The following CSMD3 variants were observed in gnomAD, a reference collection of about 807,000 sequenced individuals.
CSMD3 encodes CUB and sushi domain-containing protein 3.
A neutral mutation model predicts 435.2 loss-of-function variants in CSMD3; 177 were observed. The ratio of observed to expected loss-of-function variants is 0.41; its 90% CI spans 0.36 to 0.46. The LOEUF is 0.46. CSMD3 is among the 20% of genes least tolerant of loss of function. The probability of loss-of-function intolerance (pLI) is 0.34; values close to 1 mark genes in which losing one functional copy is unlikely to be tolerated. For synonymous variants in CSMD3, 1,656 were observed against 1,520.5 expected (o/e 1.09, Z -2.07); for missense variants, 4,265 against 4,504.6 (o/e 0.95, Z 1.52).
At chr8:113,383,897 G>C (rs1366962463) in intron 1 of CSMD3, among the ~76,000 whole-genome samples, 1 of 151,968 alleles carries the variant, frequency 6.6e-6, no homozygotes, top group African/African-American at 2.4e-5. Flanking sequence ...TTCTCACTTG[G>C]TCCCTCTGAT....
At chr8:113,232,938 T>C (rs900447062) in intron 3 of CSMD3, among the ~76,000 whole-genome samples, 5 of 151,942 alleles carry the variant, frequency 3.3e-5, no homozygotes, top group African/African-American at 1.2e-4. Flanking sequence ...ATTTCATTTT[T>C]ATCCTTTTAC....
At chr8:113,200,250 T>A (rs958233836) in intron 3 of CSMD3, among the ~76,000 whole-genome samples, 1 of 151,776 alleles carries the variant, frequency 6.6e-6, no homozygotes, top group African/African-American at 2.4e-5. Context: ...ACCCCCAAAC[T>A]ATACTGCACA....
At chr8:113,427,695 T>C (rs912997878) in intron 1 of CSMD3, among the ~76,000 whole-genome samples, 3 of 151,610 alleles carry the variant, frequency 2.0e-5, no homozygotes, top group Non-Finnish European at 3.0e-5. Flanking sequence ...GGAACTTGGA[T>C]ATGCATATTT....
Position 112,853,824 on chromosome 8 carries a change from C to G in CSMD3, c.1755+5321G>C, listed in dbSNP as rs529677040. Among the ~76,000 whole-genome samples the G allele has an allele frequency of 1.6e-4, 25 of 152,304 alleles. No homozygotes were observed. The South Asian group carries it at 4.6e-3, about 28-fold the overall frequency. Reference sequence around the variant, plus strand: ...CTGCTGTCTCTTAGCTCTAGCCAACCCTTCTGTATTCTGCCCTTTGATATT... The same window carrying G: ...CTGCTGTCTCTTAGCTCTAGCCAACGCTTCTGTATTCTGCCCTTTGATATT... On this transcript the variant is annotated intron_variant, in intron 11 of 70. Coordinates refer to ENST00000297405, the MANE Select transcript of CSMD3 (RefSeq NM_198123.2).
chr8:112,961,416 T>A (rs1382796598), intron 7 of CSMD3, among the ~76,000 whole-genome samples: 3 of 151,926 alleles, frequency 2.0e-5, no homozygotes, highest in African/African-American at 7.2e-5. Flanking sequence ...ATTATATGAA[T>A]AATTATTTAA....
chr8:113,356,325 A>T (rs1264571393), intron 1 of CSMD3, among the ~76,000 whole-genome samples: 1 of 152,150 alleles, frequency 6.6e-6, no homozygotes, highest in East Asian at 1.9e-4. Context: ...GGCTGCCCAG[A>T]CAAAGGAACT....
At position 112,426,304 on chromosome 8, in the gene CSMD3, T is replaced by C. The variant is rs530511227; in HGVS notation, c.5396-17272A>G. ...CATTTTAATAGGTAGTTGGTATTGA[T>C]TGTGAACCTTCTATATTTTTTGGAA... On this transcript the variant is annotated intron_variant, in intron 32 of 70. Coordinates refer to ENST00000297405, the MANE Select transcript of CSMD3 (RefSeq NM_198123.2). Among the ~76,000 whole-genome samples, 7 of 152,226 alleles carry C rather than the reference T, an allele frequency of 4.6e-5. No individual in the cohort carries two copies. The South Asian group carries it at 1.4e-3, about 32-fold the overall frequency.
At chr8:112,855,311 T>A (rs544336654) in intron 11 of CSMD3, among the ~76,000 whole-genome samples, 28 of 152,258 alleles carry the variant, frequency 1.8e-4, no homozygotes, top group African/African-American at 6.7e-4. Context: ...TATTTAAAAC[T>A]CTTAGTGTGA....
At chr8:113,245,766 T>TTCAATGTCAGTAA (rs1417933309) in intron 3 of CSMD3, among the ~76,000 whole-genome samples, 1 of 152,086 alleles carries the variant, frequency 6.6e-6, no homozygotes, top group Non-Finnish European at 1.5e-5. Context: ...CTAATGTCAT[T>TTCAATGTCAGTAA]TCCTTTCAAT....
intron 1 of CSMD3, among the ~76,000 whole-genome samples, chr8:113,394,503 G>C (rs1372585763): frequency 1.3e-5 from 2 of 151,898 alleles, no homozygotes; most frequent in Non-Finnish European, 2.9e-5. Flanking sequence ...AAAAATGCTG[G>C]ATCACATACC....
intron 1 of CSMD3, among the ~76,000 whole-genome samples, chr8:113,323,701 T>G (rs1201268016): frequency 2.0e-5 from 3 of 152,232 alleles, no homozygotes; most frequent in Non-Finnish European, 4.4e-5. Context: ...CATAAATGTT[T>G]ATATATCAAA....
intron 3 of CSMD3, among the ~76,000 whole-genome samples, chr8:113,258,883 A>C (rs1390428377): frequency 6.6e-6 from 1 of 152,292 alleles, no homozygotes; most frequent in African/African-American, 2.4e-5. Context: ...GGTAAAGACC[A>C]TAAGAAGTGG....
chr8:112,961,428 G>A (rs902510756), intron 7 of CSMD3, among the ~76,000 whole-genome samples: 6 of 151,700 alleles, frequency 4.0e-5, no homozygotes, highest in Admixed American at 1.3e-4. Flanking sequence ...ATTATTTAAC[G>A]TATTTCAAGA....
intron 44 of CSMD3, among the ~76,000 whole-genome samples, chr8:112,336,014 G>T (rs868389673): frequency 6.6e-5 from 10 of 152,216 alleles, no homozygotes; most frequent in South Asian, 4.1e-4. Context: ...CCAGGCTCAA[G>T]GGATCCTCTC....
intron 5 of CSMD3, among the ~76,000 whole-genome samples, chr8:113,070,797 CTCTT>C (rs1335811772): frequency 2.0e-5 from 3 of 152,006 alleles, no homozygotes; most frequent in Non-Finnish European, 4.4e-5. Flanking sequence ...GTATAGGTAT[CTCTT>C]TAACATTTCA....
At chr8:112,851,126 C>T (rs1382177666) in intron 11 of CSMD3, among the ~76,000 whole-genome samples, 1 of 151,742 alleles carries the variant, frequency 6.6e-6, no homozygotes, top group Non-Finnish European at 1.5e-5. Flanking sequence ...TGTTATATTC[C>T]TTATAATTAC....
intron 1 of CSMD3, among the ~76,000 whole-genome samples, chr8:113,407,740 T>C (rs2094539031): frequency 6.6e-6 from 1 of 152,020 alleles, no homozygotes; most frequent in South Asian, 2.1e-4. Flanking sequence ...CCATCGTAGG[T>C]AGGTTATGAT....
rs146966063 is a variant in CSMD3, at chr8:112,478,693, G to A, written c.5279-5986C>T. Among the ~76,000 whole-genome samples, 869 of 152,260 alleles carry A rather than the reference G, an allele frequency of 5.7e-3. 13 individuals are homozygous for A. Among genetic ancestry groups the A allele is most frequent in the African/African-American group, 0.02 (830 of 41,554 alleles). ...GCCAAATGCCCAAGAAGATAGGGGT[G>A]GGTCCGTGGTGAAACCCCACCTTCA... is the stretch of plus-strand genomic sequence containing the variant. On this transcript the variant is annotated intron_variant, in intron 31 of 70. Coordinates refer to ENST00000297405, the MANE Select transcript of CSMD3 (RefSeq NM_198123.2).
At chr8:113,433,528 A>C (rs2094687851) in intron 1 of CSMD3, among the ~76,000 whole-genome samples, 1 of 152,212 alleles carries the variant, frequency 6.6e-6, no homozygotes, top group Non-Finnish European at 1.5e-5. Flanking sequence ...CAGGAGTAGT[A>C]TCTCCTTGGA....
Sources: allele counts gnomAD v4.1 joint callset (sites outside exome capture counted in the v4.1 genomes callset), GRCh38; gene constraint gnomAD v4.1.1; transcripts MANE v1.5; gene names NCBI Gene and HGNC (gene_info 2026-07-23, HGNC 2026-07-21).